The following MYO1D variants were observed in gnomAD, a reference collection of about 807,000 sequenced individuals.
The protein encoded by MYO1D is myosin ID.
A neutral mutation model predicts 122.0 loss-of-function variants in MYO1D; 83 were observed. That is an observed-to-expected ratio of 0.68 (90% confidence interval 0.57 to 0.82). The LOEUF (loss-of-function observed/expected upper bound fraction) is 0.82, where lower values mean the gene tolerates loss of function less well. MYO1D is among the 40% of genes least tolerant of loss of function. The pLI, the probability that MYO1D is intolerant of heterozygous loss-of-function variation, is 0.00. For synonymous variants in MYO1D, 464 were observed against 446.9 expected, an observed-to-expected ratio of 1.04 and a Z score of -0.48; for missense variants, 1,157 against 1,269.5, an observed-to-expected ratio of 0.91 and a Z score of 1.35.
intron 14 of MYO1D, among the ~76,000 whole-genome samples, chr17:32,736,132 A>C (rs1176796475): frequency 6.7e-6 from 1 of 149,288 alleles, no homozygotes; most frequent in Non-Finnish European, 1.5e-5. Flanking sequence ...TATTGTACTG[A>C]TAAGTTGTCT....
chr17:32,543,259 C>CTGATTATT lies in MYO1D; in HGVS notation c.2865-48352_2865-48345dup, dbSNP rs199868323. Among the ~76,000 whole-genome samples, 976 of 149,162 alleles carry CTGATTATT rather than the reference C, an allele frequency of 6.5e-3. 15 individuals carry two copies. The highest frequency in any genetic ancestry group is 0.023 in the African/African-American group (920 of 40,522). ...ATGAATAAATAAACAAATTACATATCTGATTATTTGGTGAGTCATTTAAAA... is the reference window on the plus strand; with the variant it reads ...ATGAATAAATAAACAAATTACATATCTGATTATTTGATTATTTGGTGAGTCATTTAAAA... On this transcript the variant is annotated intron_variant, in intron 21 of 21. Coordinates refer to ENST00000318217, the MANE Select transcript of MYO1D (RefSeq NM_015194.3).
At chr17:32,652,516 T>A (rs941300969) in intron 19 of MYO1D, among the ~76,000 whole-genome samples, 4 of 152,178 alleles carry the variant, frequency 2.6e-5, no homozygotes, top group African/African-American at 9.7e-5. Context: ...TAATATTTTT[T>A]AAAAATTATA....
intron 16 of MYO1D, among the ~76,000 whole-genome samples, chr17:32,710,961 T>C (rs1237781282): frequency 2.6e-5 from 4 of 152,170 alleles, no homozygotes; most frequent in Admixed American, 6.5e-5. Flanking sequence ...TATACAGCTG[T>C]TGGCGGTGCA....
chr17:32,754,486 G>A (rs1352347977), intron 11 of MYO1D, among the ~76,000 whole-genome samples: 1 of 152,092 alleles, frequency 6.6e-6, no homozygotes, highest in Non-Finnish European at 1.5e-5. Flanking sequence ...AGAAAAAACT[G>A]GCCTAAAATA....
At chr17:32,674,435 C>T (rs2088774197) in intron 16 of MYO1D, among the ~76,000 whole-genome samples, 1 of 152,130 alleles carries the variant, frequency 6.6e-6, no homozygotes, top group Admixed American at 6.5e-5. Flanking sequence ...CATCTGATGA[C>T]TGGTATTACC....
chr17:32,735,794 T>C (rs997711577), intron 14 of MYO1D, among the ~76,000 whole-genome samples: 3 of 152,170 alleles, frequency 2.0e-5, no homozygotes, highest in African/African-American at 7.2e-5. Context: ...TTGATATCAC[T>C]AGTTTATCTG....
chr17:32,767,423 T>A (rs555965461), intron 7 of MYO1D, among the ~76,000 whole-genome samples: 2 of 152,222 alleles, frequency 1.3e-5, no homozygotes, highest in Non-Finnish European at 2.9e-5. Context: ...GACAATCAAC[T>A]GAAGTAGTAG....
chr17:32,832,287 TTTC>T (rs1457567597), intron 1 of MYO1D, among the ~76,000 whole-genome samples: 1 of 150,254 alleles, frequency 6.7e-6, no homozygotes, highest in Non-Finnish European at 1.5e-5. Flanking sequence ...AATTTTTTTC[TTTC>T]TTCTTTTTTT....
chr17:32,605,046 T>C (rs766935366), intron 21 of MYO1D, 41 bp downstream of exon 21: 5 of 1,502,536 alleles, frequency 3.3e-6, no homozygotes, highest in African/African-American at 1.4e-5. Flanking sequence ...AAAGATTTCA[T>C]AGATTTAAAA....
chr17:32,583,428 G>GA (rs1306092013), intron 21 of MYO1D, among the ~76,000 whole-genome samples: 1 of 152,054 alleles, frequency 6.6e-6, no homozygotes, highest in Non-Finnish European at 1.5e-5. Context: ...ATCAAATTTG[G>GA]AAAAATTTCA....
intron 1 of MYO1D, among the ~76,000 whole-genome samples, chr17:32,785,716 G>C (rs1313383249): frequency 2.6e-5 from 4 of 152,050 alleles, no homozygotes; most frequent in Non-Finnish European, 4.4e-5. Flanking sequence ...TGGCTTCTTT[G>C]AGCCACGTTC....
chr17:32,640,195 G>A (rs1407211193), intron 19 of MYO1D, among the ~76,000 whole-genome samples: 2 of 152,056 alleles, frequency 1.3e-5, no homozygotes, highest in Non-Finnish European at 2.9e-5. Context: ...TCTATATGGT[G>A]GAATAATTAT....
At chr17:32,542,791 C>G (rs559452556) in intron 21 of MYO1D, among the ~76,000 whole-genome samples, 45 of 152,226 alleles carry the variant, frequency 3.0e-4, no homozygotes, top group African/African-American at 1.1e-3. Context: ...GGAAGCTGCC[C>G]TCCAACCCTT....
chr17:32,559,388 A>G (rs1018989466), intron 21 of MYO1D, among the ~76,000 whole-genome samples: 3 of 152,238 alleles, frequency 2.0e-5, no homozygotes, highest in African/African-American at 7.2e-5. Flanking sequence ...TGAGCAGACC[A>G]TAATCTACTC....
intron 20 of MYO1D, among the ~76,000 whole-genome samples, chr17:32,617,966 A>C (rs1341884867): frequency 6.6e-6 from 1 of 152,188 alleles, no homozygotes; most frequent in Non-Finnish European, 1.5e-5. Flanking sequence ...AAACAGAATA[A>C]AATTCTTTTC....
At chr17:32,536,462 G>A (rs974151450) in intron 21 of MYO1D, among the ~76,000 whole-genome samples, 2 of 152,156 alleles carry the variant, frequency 1.3e-5, no homozygotes, top group Admixed American at 6.5e-5. Context: ...TTTTAAACCC[G>A]AAACTAACTT....
chr17:32,548,349 T>C (rs1448749644), intron 21 of MYO1D, among the ~76,000 whole-genome samples: 4 of 150,556 alleles, frequency 2.7e-5, no homozygotes, highest in Admixed American at 2.6e-4. Context: ...AATGGCTTGA[T>C]CCGAGGAGAA....
At chr17:32,601,670 A>C (rs2087563993) in intron 21 of MYO1D, among the ~76,000 whole-genome samples, 1 of 152,218 alleles carries the variant, frequency 6.6e-6, no homozygotes, top group Non-Finnish European at 1.5e-5. Flanking sequence ...TCTAGATGGC[A>C]TCTTCTTCCA....
chr17:32,836,744 AATTAT>A (rs1196536031), intron 1 of MYO1D, among the ~76,000 whole-genome samples: 3 of 152,158 alleles, frequency 2.0e-5, no homozygotes, highest in Non-Finnish European at 4.4e-5. Flanking sequence ...GACATCATAT[AATTAT>A]ATTAATTATT....
Sources: allele counts gnomAD v4.1 joint callset (sites outside exome capture counted in the v4.1 genomes callset), GRCh38; gene constraint gnomAD v4.1.1; transcripts MANE v1.5; gene names NCBI Gene and HGNC (gene_info 2026-07-23, HGNC 2026-07-21).